VPS8: variants seen among roughly 807,000 people sequenced by gnomAD.
The protein encoded by VPS8 is VPS8 subunit of CORVET complex.
VPS8 carries 129 observed loss-of-function variants against 216.4 expected under a neutral mutation model. The ratio of observed to expected loss-of-function variants is 0.60; its 90% CI spans 0.52 to 0.69. The LOEUF (loss-of-function observed/expected upper bound fraction) is 0.69. Among genes scored for constraint, VPS8 ranks in the 30% least tolerant of loss-of-function variants. VPS8 has a pLI of 0.00. For missense variants in VPS8, 1,531 were observed against 1,683.5 expected, an observed-to-expected ratio of 0.91 and a Z score of 1.59; for synonymous variants, 571 against 565.4, an observed-to-expected ratio of 1.01 and a Z score of -0.14.
At chr3:184,936,448 G>A (rs892257850) in intron 35 of VPS8, 113 bp downstream of exon 35, 4 of 1,006,650 alleles carry the variant, frequency 4.0e-6, no homozygotes, top group Non-Finnish European at 4.4e-6. Context: ...TTTATTAGCA[G>A]TTTCTATTAG....
intron 45 of VPS8, among the ~76,000 whole-genome samples, chr3:185,004,235 C>T (rs576165863): frequency 5.3e-5 from 8 of 152,256 alleles, no homozygotes; most frequent in South Asian, 2.1e-4. Flanking sequence ...CCCGGCACCC[C>T]GGGAGGCCGA....
intron 10 of VPS8, among the ~76,000 whole-genome samples, chr3:184,851,465 ATGTG>A (rs10657242): frequency 7.3e-5 from 11 of 150,934 alleles, no homozygotes; most frequent in Non-Finnish European, 1.6e-4. Context: ...ATGGATATTT[ATGTG>A]TGTGTGTGTG....
intron 47 of VPS8, among the ~76,000 whole-genome samples, chr3:185,049,762 C>G (rs1713768703): frequency 2.0e-5 from 3 of 152,294 alleles, no homozygotes; most frequent in Non-Finnish European, 2.9e-5. Context: ...CTGCTGTGTC[C>G]TCTGCTTCTC....
At chr3:184,966,786 C>T in intron 39 of VPS8, 73 bp downstream of exon 39, 1 of 1,108,378 alleles carries the variant, frequency 9.0e-7, no homozygotes, top group South Asian at 1.7e-5. Flanking sequence ...TAATAAATTG[C>T]ATTTATTATG....
At chr3:184,950,216 C>CTTTTTTTTTTTTTTTTTTTTTTTTTTTTT (rs10700220) in intron 36 of VPS8, among the ~76,000 whole-genome samples, 1 of 39,930 alleles carries the variant, frequency 2.5e-5, no homozygotes, top group Non-Finnish European at 4.1e-5. Context: ...CAGTTTTCTG[C>CTTTTTTTTTTTTTTTTTTTTTTTTTTTTT]TTTTTTTTTT....
chr3:184,984,535 C>T (rs776371373), intron 42 of VPS8, among the ~76,000 whole-genome samples: 9 of 151,976 alleles, frequency 5.9e-5, no homozygotes, highest in African/African-American at 2.2e-4. Context: ...TCAGGTGATC[C>T]GCCCGCCTCA....
At chr3:184,815,468 G>A (rs1716113248) in intron 1 of VPS8, among the ~76,000 whole-genome samples, 2 of 152,046 alleles carry the variant, frequency 1.3e-5, no homozygotes, top group Admixed American at 6.5e-5. Context: ...GTGGTCTGTC[G>A]TTGACCCAAA....
chr3:184,903,724 A>C (rs1258869371), intron 25 of VPS8, among the ~76,000 whole-genome samples: 1 of 152,144 alleles, frequency 6.6e-6, no homozygotes, highest in Non-Finnish European at 1.5e-5. Flanking sequence ...CTGAGATTAC[A>C]GGTGTGAGCC....
At chr3:184,822,246 G>C (rs977705824) in intron 1 of VPS8, among the ~76,000 whole-genome samples, 1 of 152,054 alleles carries the variant, frequency 6.6e-6, no homozygotes, top group South Asian at 2.1e-4. Flanking sequence ...AGACTCTTTG[G>C]CTTGTGTTCT....
chr3:184,831,514 A>G (rs1400297363), intron 3 of VPS8, among the ~76,000 whole-genome samples: 1 of 152,144 alleles, frequency 6.6e-6, no homozygotes, highest in East Asian at 1.9e-4. Context: ...AGACGGTGAG[A>G]CATTGTTCTC....
chr3:184,825,726 C>A (rs559631950), intron 2 of VPS8, among the ~76,000 whole-genome samples: 2 of 152,108 alleles, frequency 1.3e-5, no homozygotes, highest in South Asian at 4.2e-4. Context: ...TATGATGAAA[C>A]CCCATCTCTA....
intron 34 of VPS8, 108 bp from the exon 35 acceptor site, chr3:184,936,138 G>A: frequency 1.8e-5 from 16 of 874,046 alleles, no homozygotes; most frequent in Non-Finnish European, 2.8e-5. Flanking sequence ...CTGAAATGCA[G>A]CATGGAAGCT....
intron 35 of VPS8, among the ~76,000 whole-genome samples, chr3:184,938,649 C>CTTTTTTTTTTTTTTTTTTTT (rs113635324): frequency 1.4e-5 from 2 of 140,726 alleles, no homozygotes; most frequent in African/African-American, 5.2e-5. Context: ...TTCTTTTTTT[C>CTTTTTTTTTTTTTTTTTTTT]TTTTTTTTTT....
At chr3:184,921,583 T>C (rs1273053128) in intron 29 of VPS8, among the ~76,000 whole-genome samples, 3 of 151,118 alleles carry the variant, frequency 2.0e-5, no homozygotes, top group African/African-American at 7.3e-5. Context: ...TTCTTCTTCT[T>C]TTTTTTTTGA....
rs372887189 is a variant in VPS8 at position 184,854,097 on chromosome 3, A to C, written c.976-17A>C. 1.2e-6 allele frequency: 2 copies of C among 1,613,608 alleles called. No homozygotes were observed. The highest frequency in any genetic ancestry group is 2.2e-5 in the South Asian group (2 of 91,054). On this transcript the variant is annotated splice_polypyrimidine_tract_variant and intron_variant, in intron 12 of 47. Coordinates refer to ENST00000625842, the MANE Select transcript of VPS8 (RefSeq NM_001009921.3). The stretch of plus-strand genomic sequence containing the variant: ...AAATTCCAAGGTCAATATTGAAAAC[A>C]TATTTTTCTCTTACAGATACTGGTC...
At chr3:184,863,204 T>C in intron 16 of VPS8, 137 bp downstream of exon 16, 1 of 990,616 alleles carries the variant, frequency 1.0e-6, no homozygotes, top group Non-Finnish European at 1.5e-6. Context: ...AGCCACTAGG[T>C]TGAAGTGGGT....
intron 1 of VPS8, 57 bp from the exon 2 acceptor site, chr3:184,824,488 A>AG: frequency 1.2e-6 from 1 of 849,188 alleles, no homozygotes; most frequent in African/African-American, 1.7e-5. Context: ...ATTGACAAGG[A>AG]GGAAATCTAA....
chr3:184,987,263 A>G (rs558010512), intron 42 of VPS8, among the ~76,000 whole-genome samples: 9 of 152,080 alleles, frequency 5.9e-5, no homozygotes, highest in African/African-American at 2.2e-4. Context: ...ACAGGCATAC[A>G]CCACCGTGCC....
At chr3:185,009,806 C>T (rs544421665) in intron 45 of VPS8, among the ~76,000 whole-genome samples, 102 of 152,034 alleles carry the variant, frequency 6.7e-4, no homozygotes, top group African/African-American at 2.3e-3. Flanking sequence ...TTAGTCTCTC[C>T]GGGTCAAGGG....
Sources: gnomAD v4.1 joint callset for allele counts (sites outside exome capture counted in the v4.1 genomes callset) on GRCh38, gnomAD v4.1.1 for gene constraint, MANE v1.5 for transcripts, NCBI Gene and HGNC (gene_info 2026-07-23, HGNC 2026-07-21) for gene names.